Variants in ZNF90 observed in about 807,000 individuals in gnomAD.
ZNF90 encodes zinc finger protein HTF9.
A neutral mutation model predicts 12.0 loss-of-function variants in ZNF90; 11 were observed. The ratio of observed to expected loss-of-function variants is 0.92; its 90% CI spans 0.58 to 1.52. The LOEUF (loss-of-function observed/expected upper bound fraction) is 1.52, where lower values mean the gene tolerates loss of function less well. ZNF90 is among the 40% of genes most tolerant of loss of function. The pLI, the probability that ZNF90 is intolerant of heterozygous loss-of-function variation, is 0.00. For synonymous variants in ZNF90, 232 were observed against 240.1 expected (o/e 0.97, Z 0.31); for missense variants, 765 against 711.5 (o/e 1.08, Z -0.86).
intron 1 of ZNF90, among the ~76,000 whole-genome samples, chr19:20,101,869 C>G (rs1250342369): frequency 6.6e-6 from 1 of 152,194 alleles, no homozygotes; most frequent in Non-Finnish European, 1.5e-5. Context: ...AACTTTACAT[C>G]TGTACATGTG....
intron 1 of ZNF90, among the ~76,000 whole-genome samples, chr19:20,089,072 A>G (rs1257661441): frequency 6.6e-6 from 1 of 152,140 alleles, no homozygotes; most frequent in Admixed American, 6.5e-5. Flanking sequence ...CTGGAGATGT[A>G]AAGTAAAAAG....
intron 1 of ZNF90, among the ~76,000 whole-genome samples, chr19:20,095,087 G>C (rs1555703104): frequency 6.6e-6 from 1 of 152,022 alleles, no homozygotes; most frequent in Non-Finnish European, 1.5e-5. Flanking sequence ...AGATGGGTCT[G>C]TAGAAAAGGA....
intron 1 of ZNF90, among the ~76,000 whole-genome samples, chr19:20,081,303 C>T (rs2088817931): frequency 6.6e-6 from 1 of 152,130 alleles, no homozygotes; most frequent in Admixed American, 6.5e-5. Flanking sequence ...ATTCTTCTGC[C>T]TCAGCCTCCC....
intron 3 of ZNF90, among the ~76,000 whole-genome samples, chr19:20,107,877 A>C (rs1555704613): frequency 6.6e-6 from 1 of 152,200 alleles, no homozygotes; most frequent in African/African-American, 2.4e-5. Flanking sequence ...TAAAATAGTT[A>C]CTTATAAATC....
chr19:20,081,934 T>G (rs372359286), intron 1 of ZNF90, among the ~76,000 whole-genome samples: 8 of 151,878 alleles, frequency 5.3e-5, no homozygotes, highest in African/African-American at 1.5e-4. Context: ...CCGGCTAATT[T>G]TTTGTATTTT....
At position 20,119,618 on chromosome 19, in the gene ZNF90, A is replaced by G. The variant is rs1881027274; in HGVS notation, c.*258A>G. 5.9e-6 allele frequency: 2 copies of G among 341,672 alleles called. No individual in the cohort carries two copies. Among genetic ancestry groups the G allele is most frequent in the Non-Finnish European group, 1.0e-5 (2 of 192,308 alleles). The allele number at this position is 341,672 out of a possible 1,614,324, so 21.2% of individuals were successfully genotyped here. A position where few individuals can be genotyped will look rare whatever the true frequency, so the allele number is the denominator to read the frequency against. ...GCAGCAAAGCCTATAACAAGTTCTC[A>G]ATTCTTTTTTTTTTTTTTTAAGAAG... is the stretch of plus-strand genomic sequence containing the variant. On this transcript the variant is annotated 3_prime_UTR_variant, in exon 4 of 4. Coordinates refer to ENST00000418063, the MANE Select transcript of ZNF90 (RefSeq NM_007138.2).
At chr19:20,097,644 A>G (rs1238854236) in intron 1 of ZNF90, among the ~76,000 whole-genome samples, 1 of 152,224 alleles carries the variant, frequency 6.6e-6, no homozygotes, top group Non-Finnish European at 1.5e-5. Context: ...TGTGCTATAA[A>G]CATGCTGCCA....
intron 3 of ZNF90, among the ~76,000 whole-genome samples, chr19:20,110,301 T>A (rs776969893): frequency 1.3e-5 from 2 of 152,098 alleles, no homozygotes; most frequent in Non-Finnish European, 2.9e-5. Context: ...TTTTTTGAGA[T>A]GGAGTCTTGC....
At chr19:20,093,537 GC>G (rs1433274944) in intron 1 of ZNF90, among the ~76,000 whole-genome samples, 1 of 152,094 alleles carries the variant, frequency 6.6e-6, no homozygotes, top group Non-Finnish European at 1.5e-5. Flanking sequence ...ATGAGATGTG[GC>G]TGTAGTCCAG....
chr19:20,109,831 A>G (rs1555704868), intron 3 of ZNF90, among the ~76,000 whole-genome samples: 1 of 151,550 alleles, frequency 6.6e-6, no homozygotes, highest in East Asian at 1.9e-4. Context: ...ACAGAGTGAG[A>G]CTCTGTCTCC....
chr19:20,098,221 A>C (rs938525441), intron 1 of ZNF90, among the ~76,000 whole-genome samples: 1 of 152,218 alleles, frequency 6.6e-6, no homozygotes, highest in African/African-American at 2.4e-5. Context: ...TCTGTAGATA[A>C]GGTCTGTCCT....
intron 1 of ZNF90, among the ~76,000 whole-genome samples, chr19:20,091,021 A>T (rs1047082581): frequency 2.0e-5 from 3 of 152,194 alleles, no homozygotes; most frequent in Non-Finnish European, 4.4e-5. Context: ...CTGGTCCGTT[A>T]TCAGACTGTA....
chr19:20,107,223 T>G (rs576362765), intron 3 of ZNF90: 3 of 317,654 alleles, frequency 9.4e-6, no homozygotes, highest in East Asian at 1.7e-4. Flanking sequence ...TATAATTGGG[T>G]GCCTTTCTCC....
chr19:20,087,992 C>A (rs1471345543), intron 1 of ZNF90, among the ~76,000 whole-genome samples: 1 of 152,066 alleles, frequency 6.6e-6, no homozygotes, highest in Non-Finnish European at 1.5e-5. Flanking sequence ...ATTTACACTT[C>A]CTTTGTGGTG....
At chr19:20,078,299 A>T (rs2088792926) in intron 1 of ZNF90, among the ~76,000 whole-genome samples, 164 bp downstream of exon 1, 2 of 152,140 alleles carry the variant, frequency 1.3e-5, no homozygotes, top group African/African-American at 4.8e-5. Flanking sequence ...TAAGATGGCA[A>T]CAGCGCCGAC....
At chr19:20,089,351 G>C (rs543892582) in intron 1 of ZNF90, among the ~76,000 whole-genome samples, 128 of 152,252 alleles carry the variant, frequency 8.4e-4, no homozygotes, top group African/African-American at 2.9e-3. Context: ...TGAAATACAG[G>C]GCAAGTGTCT....
intron 3 of ZNF90, among the ~76,000 whole-genome samples, chr19:20,111,107 C>A (rs1374469654): frequency 2.0e-5 from 3 of 152,034 alleles, no homozygotes; most frequent in African/African-American, 7.2e-5. Context: ...AATGTGATGT[C>A]TTTTTCCTAT....
chr19:20,080,324 T>C, intron 1 of ZNF90: 1 of 516,376 alleles, frequency 1.9e-6, no homozygotes, highest in Non-Finnish European at 3.8e-6. Flanking sequence ...GTTTTACCAG[T>C]ACAACACTCT....
At chr19:20,099,680 C>G (rs1019157742) in intron 1 of ZNF90, among the ~76,000 whole-genome samples, 11 of 152,224 alleles carry the variant, frequency 7.2e-5, no homozygotes, top group African/African-American at 2.7e-4. Flanking sequence ...GAGAACTTTG[C>G]TGTCTTCACA....
Sources: allele counts gnomAD v4.1 joint callset (sites outside exome capture counted in the v4.1 genomes callset), GRCh38; gene constraint gnomAD v4.1.1; transcripts MANE v1.5; gene names NCBI Gene and HGNC (gene_info 2026-07-23, HGNC 2026-07-21).